VPS13A: variants seen among roughly 807,000 people sequenced by gnomAD.
VPS13A encodes intermembrane lipid transfer protein VPS13A.
Under a neutral mutation model 390.9 loss-of-function variants are expected in VPS13A, and 264 were observed. The observed-to-expected ratio is 0.68, with a 90% CI of 0.61 to 0.75. The LOEUF (loss-of-function observed/expected upper bound fraction) is 0.75. Among genes scored for constraint, VPS13A ranks in the 30% least tolerant of loss-of-function variants. VPS13A has a pLI of 0.00. For synonymous variants in VPS13A, 1,231 were observed against 1,227.1 expected (o/e 1.00, Z -0.07); for missense variants, 3,409 against 3,733.9 (o/e 0.91, Z 2.27).
At position 77,200,155 on chromosome 9, in the gene VPS13A, A is replaced by C. The variant is rs558874227; in HGVS notation, c.144+167A>C. Among the ~76,000 whole-genome samples the C allele has an allele frequency of 3.3e-5, 5 of 152,342 alleles. No individual in the cohort carries two copies. The South Asian group carries it at 8.3e-4, about 25-fold the overall frequency. On this transcript the variant is annotated intron_variant, in intron 2 of 71. Transcript: ENST00000360280. ...ATGGAGTTTTAATCTCCCTGAAAGC[A>C]CAAATGGACAGTGTGATTTTTTTTC...
intron 69 of VPS13A, among the ~76,000 whole-genome samples, chr9:77,404,161 T>A (rs1238435344): frequency 1.1e-4 from 17 of 152,182 alleles, no homozygotes; most frequent in Non-Finnish European, 2.5e-4. Context: ...AAGTCTTCAT[T>A]CCACCCCAGA....
At chr9:77,284,243 G>T (rs556689180) in intron 31 of VPS13A, among the ~76,000 whole-genome samples, 1 of 152,168 alleles carries the variant, frequency 6.6e-6, no homozygotes, top group African/African-American at 2.4e-5. Flanking sequence ...ATGTATTTAA[G>T]GAGGTTAAAG....
intron 2 of VPS13A, 83 bp from the exon 3 acceptor site, chr9:77,201,281 AT>A (rs1825316372): frequency 2.2e-6 from 2 of 923,590 alleles, no homozygotes; most frequent in South Asian, 1.5e-5. Context: ...CCTTGAAATA[AT>A]TTTTGGAAGT....
At chr9:77,223,722 A>AG (rs1823352694) in intron 13 of VPS13A, among the ~76,000 whole-genome samples, 1 of 141,922 alleles carries the variant, frequency 7.0e-6, no homozygotes, top group African/African-American at 2.6e-5. Context: ...CTCTATAACA[A>AG]AAGTATAAGG....
chr9:77,392,097 T>C (rs562921000), intron 68 of VPS13A, among the ~76,000 whole-genome samples: 55 of 152,298 alleles, frequency 3.6e-4, no homozygotes, highest in Admixed American at 2.3e-3. Context: ...CTCATTCCTG[T>C]TTGTTGTTTA....
At chr9:77,276,949 A>T (rs1396677248) in intron 26 of VPS13A, among the ~76,000 whole-genome samples, 2 of 152,212 alleles carry the variant, frequency 1.3e-5, no homozygotes, top group East Asian at 3.8e-4. Context: ...CCCTTTTGCC[A>T]TATGAGTTAA....
chr9:77,405,389 T>G (rs1834556258), intron 69 of VPS13A, among the ~76,000 whole-genome samples: 1 of 152,210 alleles, frequency 6.6e-6, no homozygotes. Context: ...CTCCAAATAT[T>G]GGCTGATAGT....
At chr9:77,256,963 T>C (rs764869241) in intron 22 of VPS13A, among the ~76,000 whole-genome samples, 36 of 152,192 alleles carry the variant, frequency 2.4e-4, no homozygotes, top group Non-Finnish European at 4.4e-4. Flanking sequence ...CTTGAAGTTT[T>C]TAATTGAGAA....
intron 19 of VPS13A, among the ~76,000 whole-genome samples, chr9:77,245,709 A>G (rs1165923006): frequency 1.3e-5 from 2 of 152,194 alleles, no homozygotes; most frequent in Non-Finnish European, 2.9e-5. Context: ...TCCCTTAAAG[A>G]TGACACAGTT....
intron 50 of VPS13A, among the ~76,000 whole-genome samples, chr9:77,342,109 C>T (rs908418586): frequency 1.3e-5 from 2 of 151,904 alleles, no homozygotes; most frequent in Non-Finnish European, 2.9e-5. Context: ...ACAGTGCCTT[C>T]GAGGAAATGA....
chr9:77,408,504 C>T (rs922116155), intron 71 of VPS13A, among the ~76,000 whole-genome samples: 1 of 152,172 alleles, frequency 6.6e-6, no homozygotes, highest in South Asian at 2.1e-4. Flanking sequence ...ATCACCTCAC[C>T]CAGGAAGTGC....
chr9:77,370,381 C>T (rs755245983), intron 64 of VPS13A, 34 bp from the exon 65 acceptor site: 1 of 1,613,968 alleles, frequency 6.2e-7, no homozygotes, highest in Non-Finnish European at 8.5e-7. Context: ...AAAGTAATGG[C>T]ATCATTACTT....
At chr9:77,384,927 T>G (rs2131619539) in intron 68 of VPS13A, 1 of 1,298,208 alleles carries the variant, frequency 7.7e-7, no homozygotes, top group Non-Finnish European at 9.8e-7. Context: ...TTTATAGCTT[T>G]GTATTGCATA....
rs766959619 is a variant in VPS13A, at chr9:77,360,572, G to T, written c.8142G>T (p.Arg2714Ser). The change falls in exon 59 of 72, where the codon AGG (arginine) becomes AGT (serine). Residue 2714 changes from arginine to serine, a missense_variant. Arg to Ser is a moderately radical substitution (Grantham distance 110). Around this residue, in one of 5 missense-constraint regions of VPS13A, gnomAD observed 221 missense variants for 300.7 expected, o/e 0.73. Coordinates refer to ENST00000360280, the MANE Select transcript of VPS13A (RefSeq NM_033305.3). ...TATTGATTCAAGAAATGGATCTCAG[G>T]TTAGATCTTGGGTTTATCTATGCTT... ...FKVLIQEMDL[R>S]LDLGFIYALT... 6.8e-6 allele frequency: 11 copies of T among 1,612,986 alleles called. No homozygotes were observed. The East Asian group carries it at 2.5e-4, about 36-fold the overall frequency.
chr9:77,188,912 CT>C (rs1010155169), intron 1 of VPS13A, among the ~76,000 whole-genome samples: 8 of 151,826 alleles, frequency 5.3e-5, no homozygotes, highest in Middle Eastern at 3.4e-3. Context: ...CCGCATGTGT[CT>C]TTTGAGAGGT....
chr9:77,273,426 C>T lies in VPS13A; in HGVS notation c.2512+62C>T, dbSNP rs1043436009. On this transcript the variant is annotated intron_variant, in intron 24 of 71. Coordinates refer to ENST00000360280, the MANE Select transcript of VPS13A (RefSeq NM_033305.3). ...TATTAAAATAATTTCTGTTTTGAGG[C>T]ATATTTTTCTCAAAGGACCACACAG... is the stretch of plus-strand genomic sequence containing the variant. 4 of 1,377,964 alleles carry T rather than the reference C, an allele frequency of 2.9e-6. No homozygotes were observed. In the South Asian group the frequency reaches 4.0e-5, roughly 14 times the overall value. The allele number at this position is 1,377,964 out of a possible 1,614,324, so 85.4% of individuals were successfully genotyped here.
intron 37 of VPS13A, 136 bp downstream of exon 37, chr9:77,314,800 A>G: frequency 1.3e-6 from 1 of 790,216 alleles, no homozygotes; most frequent in Non-Finnish European, 2.1e-6. Context: ...GTCAGCTCGT[A>G]GTACTCGGTT....
chr9:77,262,005 A>G (rs1445058524), intron 23 of VPS13A, among the ~76,000 whole-genome samples: 2 of 152,232 alleles, frequency 1.3e-5, no homozygotes, highest in Non-Finnish European at 2.9e-5. Flanking sequence ...TGGTTTTGAT[A>G]TGCTTTTTTA....
At chr9:77,392,886 G>T (rs118056612) in intron 68 of VPS13A, among the ~76,000 whole-genome samples, 3 of 151,184 alleles carry the variant, frequency 2.0e-5, no homozygotes, top group Non-Finnish European at 2.9e-5. Flanking sequence ...TGGTGTTGAT[G>T]GTTGCTGACT....
Sources: allele counts gnomAD v4.1 joint callset (sites outside exome capture counted in the v4.1 genomes callset), GRCh38; gene constraint gnomAD v4.1.1; regional missense constraint gnomAD v4.1.1; transcripts MANE v1.5; gene names NCBI Gene and HGNC (gene_info 2026-07-23, HGNC 2026-07-21).